The following APPBP2 variants were observed in gnomAD, a reference collection of about 807,000 sequenced individuals.
APPBP2 encodes the protein amyloid beta precursor protein binding protein 2.
In APPBP2, 15 loss-of-function variants were observed where a neutral mutation model predicts 76.0. That is an observed-to-expected ratio of 0.20 (90% CI 0.13 to 0.30). The LOEUF (loss-of-function observed/expected upper bound fraction) is 0.30. Among genes scored for constraint, APPBP2 ranks in the 10% least tolerant of loss-of-function variants. The pLI, the probability that APPBP2 is intolerant of heterozygous loss-of-function variation, is 1.00. For missense variants in APPBP2, 401 were observed against 687.2 expected, an observed-to-expected ratio of 0.58 and a Z score of 4.66; for synonymous variants, 222 against 242.2, an observed-to-expected ratio of 0.92 and a Z score of 0.77.
chr17:60,454,568 A>C, intron 10 of APPBP2, 76 bp from the exon 11 acceptor site: 1 of 899,052 alleles, frequency 1.1e-6, no homozygotes, highest in East Asian at 2.7e-5. Context: ...ATTTAAACTT[A>C]AATAATATAA....
Position 60,500,476 on chromosome 17 carries a change from C to G in APPBP2, c.150G>C (p.Gln50His). Residue 50 changes from glutamine (Q) to histidine (H), a missense_variant, in exon 2 of 13, where the codon CAG becomes CAC. By Grantham distance (24) the Gln-to-His change is conservative (BLOSUM62 0). Coordinates refer to ENST00000083182, the MANE Select transcript of APPBP2 (RefSeq NM_006380.5). ...QFDVYYKLYQ[Q>H]GRLCQLGSEF... ...CACTGCCCAGTTGACATAAGCGTCC[C>G]TGTTGGTAAAGCTGAAATAAAAAAC... 2 of 1,604,738 alleles carry G rather than the reference C, an allele frequency of 1.2e-6. No homozygotes were observed. The highest frequency in any genetic ancestry group is 2.2e-5 in the East Asian group (1 of 44,682).
At chr17:60,516,687 A>G (rs1434083965) in intron 1 of APPBP2, among the ~76,000 whole-genome samples, 2 of 152,216 alleles carry the variant, frequency 1.3e-5, no homozygotes, top group African/African-American at 4.8e-5. Context: ...GAACATTCAT[A>G]AGTGTATATA....
At chr17:60,494,376 C>T in intron 3 of APPBP2, 90 bp downstream of exon 3, 1 of 1,461,214 alleles carries the variant, frequency 6.8e-7, no homozygotes, top group South Asian at 1.2e-5. Context: ...CTTACGTAGA[C>T]TTTGGGAAAG....
chr17:60,460,294 G>A, intron 9 of APPBP2: 1 of 160,012 alleles, frequency 6.2e-6, no homozygotes, highest in Admixed American at 6.1e-5. Context: ...GACCTCTTGG[G>A]CTCAAGCGAT....
chr17:60,451,743 TG>T (rs1171431253), intron 12 of APPBP2, 136 bp downstream of exon 12: 3 of 689,368 alleles, frequency 4.4e-6, no homozygotes, highest in Non-Finnish European at 7.1e-6. Flanking sequence ...CCTCCCAAAG[TG>T]CTGGGATTAC....
intron 1 of APPBP2, among the ~76,000 whole-genome samples, chr17:60,519,155 G>A (rs997603351): frequency 6.6e-6 from 1 of 151,634 alleles, no homozygotes; most frequent in Non-Finnish European, 1.5e-5. Flanking sequence ...TAAAGACAGT[G>A]TCTCCCTATG....
intron 1 of APPBP2, among the ~76,000 whole-genome samples, chr17:60,515,579 C>T (rs1466978609): frequency 6.6e-6 from 1 of 152,204 alleles, no homozygotes. Context: ...GTCCCTGCAT[C>T]GTCACTACTG....
chr17:60,515,257 A>T (rs149577883), intron 1 of APPBP2, among the ~76,000 whole-genome samples: 1 of 151,388 alleles, frequency 6.6e-6, no homozygotes, highest in Non-Finnish European at 1.5e-5. Flanking sequence ...CTGGGATTAT[A>T]GGCACCAGCC....
chr17:60,444,838 A>G lies in APPBP2; in HGVS notation c.*2743T>C, dbSNP rs2090332685. ...GGAAAAGACTGGGTAGAAGAGTCAG[A>G]GAAGGATGAGACCAAAGGCCCCTAA... On this transcript the variant is annotated 3_prime_UTR_variant, in exon 13 of 13. Transcript: ENST00000083182. The G allele has an allele frequency of 6.6e-6, 1 of 152,604 alleles. No homozygotes were observed. Among genetic ancestry groups the G allele is most frequent in the East Asian group, 1.9e-4 (1 of 5,184 alleles). The allele number at this position is 152,604 out of a possible 1,614,324, so 9.5% of individuals were successfully genotyped here.
At chr17:60,494,984 G>GTTTT (rs60043373) in intron 2 of APPBP2, among the ~76,000 whole-genome samples, 12 of 107,080 alleles carry the variant, frequency 1.1e-4, no homozygotes, top group Admixed American at 2.7e-4. Context: ...GTTTTGTTTT[G>GTTTT]TTTTTTTTTT....
chr17:60,460,574 T>C lies in APPBP2; in HGVS notation c.1061+89A>G, dbSNP rs191416033. The C allele has an allele frequency of 2.3e-5, 31 of 1,324,682 alleles. 1 individual carries two copies. The South Asian group carries it at 4.2e-4, about 18-fold the overall frequency. The allele number at this position is 1,324,682 out of a possible 1,614,324, so 82.1% of individuals were successfully genotyped here. ...CCATAAAGTATATCAAGTACTATTA[T>C]TAATGTAATAATAGTTCCCTAATGG... On this transcript the variant is annotated intron_variant, in intron 9 of 12. Transcript: ENST00000083182.
At chr17:60,460,251 T>C (rs1032669617) in intron 9 of APPBP2, 1 of 154,078 alleles carries the variant, frequency 6.5e-6, no homozygotes, top group African/African-American at 2.4e-5. Context: ...CAGGCTGGAA[T>C]GCAGTGGTGT....
rs1598345570 is a variant in APPBP2 at position 60,451,953 on chromosome 17, C to T, written c.1431G>A (p.Leu477=). 2.5e-6 allele frequency: 4 copies of T among 1,613,716 alleles called. No individual in the cohort carries two copies. In the East Asian group the frequency reaches 8.9e-5, roughly 36 times the overall value. ...TCATGTCATAATTATATAAAGAAGC[C>T]AGATGTCCCACTGAAAGGGCTACTT... is the stretch of plus-strand genomic sequence containing the variant. ...DYEVALSVGH[L]ASLYNYDMNQ... The change falls in exon 12 of 13, where the codon CTG becomes CTA. Residue 477 remains leucine, a synonymous_variant. Coordinates refer to ENST00000083182, the MANE Select transcript of APPBP2 (RefSeq NM_006380.5).
At chr17:60,521,106 T>C (rs886748500) in intron 1 of APPBP2, among the ~76,000 whole-genome samples, 1 of 152,140 alleles carries the variant, frequency 6.6e-6, no homozygotes, top group Non-Finnish European at 1.5e-5. Flanking sequence ...TGCCTCACAA[T>C]TCTTTCACTT....
intron 1 of APPBP2, among the ~76,000 whole-genome samples, chr17:60,511,918 C>T (rs2090916823): frequency 6.6e-6 from 1 of 152,018 alleles, no homozygotes; most frequent in African/African-American, 2.4e-5. Flanking sequence ...AAATTTTTAA[C>T]GGTTCTAAGA....
chr17:60,494,296 T>C (rs1001419978), intron 3 of APPBP2, among the ~76,000 whole-genome samples, 170 bp downstream of exon 3: 1 of 152,376 alleles, frequency 6.6e-6, no homozygotes, highest in East Asian at 1.9e-4. Context: ...TTTAGAAAGA[T>C]ACTATTTAAA....
At chr17:60,517,557 G>C (rs2090973063) in intron 1 of APPBP2, among the ~76,000 whole-genome samples, 1 of 152,106 alleles carries the variant, frequency 6.6e-6, no homozygotes, top group African/African-American at 2.4e-5. Context: ...AATGACTTTT[G>C]TGTGTGGTGT....
In APPBP2 at chr17:60,447,520, AT is replaced by A; in HGVS notation, c.*60del. ...AGCCCCCCAAAACAACATGGTTTTG[AT>A]TTCACAGTATGAATTCCCTGGAATC... On this transcript the variant is annotated 3_prime_UTR_variant, in exon 13 of 13. Coordinates refer to ENST00000083182, the MANE Select transcript of APPBP2 (RefSeq NM_006380.5). The A allele has an allele frequency of 6.5e-7, 1 of 1,531,362 alleles. No homozygotes were observed. The highest frequency in any genetic ancestry group is 1.9e-4 in the Middle Eastern group (1 of 5,338). 94.9% of individuals were successfully genotyped at this position (1,531,362 alleles called of 1,614,324 possible).
At chr17:60,479,023 A>G (rs926043794) in intron 4 of APPBP2, 125 bp downstream of exon 4, 6 of 925,908 alleles carry the variant, frequency 6.5e-6, no homozygotes, top group Non-Finnish European at 9.3e-6. Context: ...GACTAGTGAA[A>G]CTATGACATA....
Sources: allele counts gnomAD v4.1 joint callset (sites outside exome capture counted in the v4.1 genomes callset), GRCh38; gene constraint gnomAD v4.1.1; transcripts MANE v1.5; gene names NCBI Gene and HGNC (gene_info 2026-07-23, HGNC 2026-07-21).